Variants in VAV3 observed in about 807,000 individuals in gnomAD.
VAV3 encodes the protein vav guanine nucleotide exchange factor 3.
In VAV3, 94 loss-of-function variants were observed where a neutral mutation model predicts 131.2. The ratio of observed to expected loss-of-function variants is 0.72; its 90% CI spans 0.61 to 0.85. The LOEUF is 0.85. VAV3 is among the 40% of genes least tolerant of loss of function. VAV3 has a pLI of 0.00. For missense variants in VAV3, 939 were observed against 1,002.7 expected (o/e 0.94, Z 0.86); for synonymous variants, 349 against 342.0 (o/e 1.02, Z -0.22).
At chr1:107,609,771 A>G in intron 22 of VAV3, 160 bp downstream of exon 22, 2 of 692,786 alleles carry the variant, frequency 2.9e-6, no homozygotes, top group Non-Finnish European at 4.9e-6. Flanking sequence ...TGGAAAGGTC[A>G]GCAATACATG....
At chr1:107,884,352 T>C (rs1036250732) in intron 1 of VAV3, among the ~76,000 whole-genome samples, 2 of 151,056 alleles carry the variant, frequency 1.3e-5, no homozygotes, top group African/African-American at 4.9e-5. Context: ...ATAGCTCATG[T>C]ACCCCATAAA....
At chr1:107,827,458 G>A (rs1668065395) in intron 2 of VAV3, among the ~76,000 whole-genome samples, 1 of 152,092 alleles carries the variant, frequency 6.6e-6, no homozygotes, top group African/African-American at 2.4e-5. Context: ...CATTTAGATG[G>A]ATTTATAACT....
intron 1 of VAV3, among the ~76,000 whole-genome samples, chr1:107,913,293 A>C (rs1057304009): frequency 3.3e-5 from 5 of 152,244 alleles, no homozygotes; most frequent in African/African-American, 1.2e-4. Flanking sequence ...GGCCACAGAC[A>C]TAAAATGCCC....
chr1:107,704,776 C>T lies in VAV3; in HGVS notation c.1605-126G>A, dbSNP rs564029872. On this transcript the variant is annotated intron_variant, in intron 16 of 26. Coordinates refer to ENST00000370056, the MANE Select transcript of VAV3 (RefSeq NM_006113.5). ...AAGGTACCCCCTTGGTAGAGGGAGA[C>T]GAGCTTGCCAGAGCTTCTGAAAGGA... 72 of 979,988 alleles carry T rather than the reference C, an allele frequency of 7.3e-5. No individual in the cohort carries two copies. In the East Asian group the frequency reaches 8.3e-4, roughly 11 times the overall value. 60.7% of individuals were successfully genotyped at this position (979,988 alleles called of 1,614,324 possible). A position where few individuals can be genotyped will look rare whatever the true frequency, so the allele number is the denominator to read the frequency against.
intron 21 of VAV3, among the ~76,000 whole-genome samples, chr1:107,614,949 C>T (rs1231004090): frequency 6.6e-6 from 1 of 152,074 alleles, no homozygotes; most frequent in East Asian, 1.9e-4. Flanking sequence ...TATCCTGCCA[C>T]CTGCCTACAG....
At chr1:107,852,644 T>C (rs1669277535) in intron 2 of VAV3, among the ~76,000 whole-genome samples, 1 of 152,184 alleles carries the variant, frequency 6.6e-6, no homozygotes, top group African/African-American at 2.4e-5. Context: ...CCAACTTTCT[T>C]CTATTGAATG....
At chr1:107,604,032 A>C (rs1652077477) in intron 22 of VAV3, among the ~76,000 whole-genome samples, 1 of 146,170 alleles carries the variant, frequency 6.8e-6, no homozygotes, top group Non-Finnish European at 1.5e-5. Flanking sequence ...TAATAACTGT[A>C]ATAATAAAAG....
rs1438799721 is a variant in VAV3, at chr1:107,668,784, A to C, written c.1777+14704T>G. 7.1e-6 allele frequency: 7 copies of C among 984,606 alleles called. No homozygotes were observed. The East Asian group carries it at 4.5e-4, about 64-fold the overall frequency. The allele number at this position is 984,606 out of a possible 1,614,324, so 61.0% of individuals were successfully genotyped here. On this transcript the variant is annotated intron_variant, in intron 19 of 26. Transcript: ENST00000370056. ...TTTCAGTATGAATTTCTAATGTCTAACATTAACTTTAGCTTATATTTTTAG... is the reference window on the plus strand; with the variant it reads ...TTTCAGTATGAATTTCTAATGTCTACCATTAACTTTAGCTTATATTTTTAG...
rs148810601 is a variant in VAV3, at chr1:107,608,211, C to T, written c.2015+1720G>A. On this transcript the variant is annotated intron_variant, in intron 22 of 26. Coordinates refer to ENST00000370056, the MANE Select transcript of VAV3 (RefSeq NM_006113.5). Reference sequence around the variant, plus strand: ...ATATTGGCAAGGGTGCATTTTAAAACTAAGGGTACAAAACCTACCTTCGGG... The same window carrying T: ...ATATTGGCAAGGGTGCATTTTAAAATTAAGGGTACAAAACCTACCTTCGGG... Among the ~76,000 whole-genome samples, 118 of 152,238 alleles carry T rather than the reference C, an allele frequency of 7.8e-4. No homozygotes were observed. In the East Asian group the frequency reaches 0.02, roughly 26 times the overall value.
intron 20 of VAV3, among the ~76,000 whole-genome samples, chr1:107,624,373 AC>A (rs1361930846): frequency 5.9e-5 from 4 of 67,780 alleles, no homozygotes; most frequent in East Asian, 5.9e-4. Context: ...TAGTCTTATG[AC>A]TGTGTGTGTG....
chr1:107,610,894 T>C (rs899672234), intron 21 of VAV3, among the ~76,000 whole-genome samples: 4 of 152,200 alleles, frequency 2.6e-5, no homozygotes, highest in African/African-American at 9.6e-5. Flanking sequence ...TATTTGGTGA[T>C]TGAAAATACT....
At chr1:107,832,875 C>T (rs1350411432) in intron 2 of VAV3, among the ~76,000 whole-genome samples, 1 of 152,170 alleles carries the variant, frequency 6.6e-6, no homozygotes, top group East Asian at 1.9e-4. Flanking sequence ...TAATTGAATG[C>T]ATTCATGCTA....
rs146485926 is a variant in VAV3 at position 107,732,339 on chromosome 1, T to C, written c.1502+16629A>G. Among the ~76,000 whole-genome samples, 199 of 152,296 alleles carry C rather than the reference T, an allele frequency of 1.3e-3. 1 individual carries two copies. The highest frequency in any genetic ancestry group is 4.7e-3 in the African/African-American group (196 of 41,570). ...TTTCTGCATTTACAACTGAGGTACCTGGTTCATCTCACTGGGACTGGTTGG... is the reference window on the plus strand; with the variant it reads ...TTTCTGCATTTACAACTGAGGTACCCGGTTCATCTCACTGGGACTGGTTGG... On this transcript the variant is annotated intron_variant, in intron 15 of 26. Transcript: ENST00000370056.
chr1:107,593,807 T>A (rs1276230434), intron 25 of VAV3, among the ~76,000 whole-genome samples: 1 of 152,112 alleles, frequency 6.6e-6, no homozygotes, highest in Non-Finnish European at 1.5e-5. Context: ...TTGCTATGAG[T>A]CATAATTAGT....
intron 1 of VAV3, among the ~76,000 whole-genome samples, chr1:107,923,939 G>C (rs1429408358): frequency 1.3e-5 from 2 of 152,072 alleles, no homozygotes; most frequent in Non-Finnish European, 2.9e-5. Context: ...ACATCTGCTG[G>C]TATTTTCATC....
At chr1:107,878,768 C>T (rs992789611) in intron 1 of VAV3, among the ~76,000 whole-genome samples, 15 of 152,096 alleles carry the variant, frequency 9.9e-5, no homozygotes, top group Admixed American at 3.3e-4. Flanking sequence ...GTACATGTCC[C>T]CCCTTTATAG....
At chr1:107,619,827 A>AT (rs1184269885) in intron 20 of VAV3, among the ~76,000 whole-genome samples, 2 of 152,168 alleles carry the variant, frequency 1.3e-5, no homozygotes, top group Non-Finnish European at 2.9e-5. Context: ...AATAAGTGAC[A>AT]TTTTGTGACA....
At chr1:107,784,287 T>A (rs973208097) in intron 2 of VAV3, among the ~76,000 whole-genome samples, 1 of 152,164 alleles carries the variant, frequency 6.6e-6, no homozygotes, top group Non-Finnish European at 1.5e-5. Context: ...CTTTTGTCAT[T>A]AACAATAAAG....
At chr1:107,826,983 T>G (rs1256429499) in intron 2 of VAV3, among the ~76,000 whole-genome samples, 2 of 152,132 alleles carry the variant, frequency 1.3e-5, no homozygotes, top group Non-Finnish European at 2.9e-5. Flanking sequence ...GCTGTATAAA[T>G]CTTATAAAAA....
Sources: allele counts gnomAD v4.1 joint callset (sites outside exome capture counted in the v4.1 genomes callset), GRCh38; gene constraint gnomAD v4.1.1; transcripts MANE v1.5; gene names NCBI Gene and HGNC (gene_info 2026-07-23, HGNC 2026-07-21).